Variants in MAGI2 observed in about 807,000 individuals in gnomAD.
MAGI2 encodes membrane associated guanylate kinase, WW and PDZ domain containing 2.
A neutral mutation model predicts 133.3 loss-of-function variants in MAGI2; 35 were observed. That is an observed-to-expected ratio of 0.26 (90% CI 0.20 to 0.35). MAGI2 has a LOEUF of 0.35. Ranked by LOEUF, MAGI2 falls within the 10% of genes least tolerant of loss-of-function variation. The pLI, the probability that MAGI2 is intolerant of heterozygous loss-of-function variation, is 1.00. For synonymous variants in MAGI2, 729 were observed against 710.6 expected, an observed-to-expected ratio of 1.03 and a Z score of -0.41; for missense variants, 1,636 against 1,863.4, an observed-to-expected ratio of 0.88 and a Z score of 2.25.
At chr7:79,178,531 G>T (rs1826323380) in intron 1 of MAGI2, among the ~76,000 whole-genome samples, 1 of 151,738 alleles carries the variant, frequency 6.6e-6, no homozygotes, top group Non-Finnish European at 1.5e-5. Context: ...GACCAATATG[G>T]TGAAACCCCG....
intron 2 of MAGI2, among the ~76,000 whole-genome samples, chr7:78,871,079 G>T (rs1794991553): frequency 6.6e-6 from 1 of 152,166 alleles, no homozygotes; most frequent in African/African-American, 2.4e-5. Context: ...GGGAGGCTGA[G>T]GTGGGCTGAT....
At chr7:78,947,492 G>A (rs1361680628) in intron 2 of MAGI2, among the ~76,000 whole-genome samples, 1 of 152,104 alleles carries the variant, frequency 6.6e-6, no homozygotes, top group East Asian at 1.9e-4. Context: ...CTGATGAAAT[G>A]TTAGCCCAGA....
intron 2 of MAGI2, among the ~76,000 whole-genome samples, chr7:78,829,394 C>T: frequency 6.6e-6 from 1 of 151,922 alleles, no homozygotes; most frequent in East Asian, 1.9e-4. Context: ...TACAGTAAAT[C>T]TTTGTGAACC....
chr7:78,566,220 T>C (rs767451370), intron 3 of MAGI2, among the ~76,000 whole-genome samples: 10 of 151,664 alleles, frequency 6.6e-5, no homozygotes, highest in Non-Finnish European at 8.8e-5. Context: ...GCTCAGGAAA[T>C]GGGAAGAGGG....
intron 1 of MAGI2, among the ~76,000 whole-genome samples, chr7:79,434,949 C>G (rs4730830): frequency 0.65 from 98,709 of 152,106 alleles, 32,375 homozygotes; most frequent in Middle Eastern, 0.73. Context: ...AGACTTCCTC[C>G]TGCCTGCTTG....
At chr7:79,305,026 C>A (rs145900427) in intron 1 of MAGI2, among the ~76,000 whole-genome samples, 4 of 152,102 alleles carry the variant, frequency 2.6e-5, no homozygotes, top group Admixed American at 1.3e-4. Context: ...CACTATGGAG[C>A]GATGATGGAA....
At chr7:78,449,183 T>C (rs968156436) in intron 6 of MAGI2, among the ~76,000 whole-genome samples, 1 of 151,980 alleles carries the variant, frequency 6.6e-6, no homozygotes, top group Admixed American at 6.6e-5. Context: ...TGGAAACATG[T>C]GTAGGCCCCT....
intron 2 of MAGI2, among the ~76,000 whole-genome samples, chr7:78,782,774 C>T (rs974586505): frequency 5.9e-5 from 9 of 152,016 alleles, no homozygotes; most frequent in South Asian, 4.1e-4. Context: ...TGCCGAACAG[C>T]TTTTTTGTAA....
At chr7:79,088,309 G>A (rs534142961) in intron 1 of MAGI2, among the ~76,000 whole-genome samples, 2 of 152,046 alleles carry the variant, frequency 1.3e-5, no homozygotes, top group African/African-American at 2.4e-5. Context: ...TTGGCCCTCT[G>A]TTTGTCTGTT....
At chr7:78,682,837 T>TTC (rs1037496844) in intron 2 of MAGI2, among the ~76,000 whole-genome samples, 6 of 152,136 alleles carry the variant, frequency 3.9e-5, no homozygotes, top group African/African-American at 1.4e-4. Context: ...TAAGGGTAAC[T>TTC]TTTCCTTTTC....
chr7:78,592,759 G>C (rs189261784), intron 3 of MAGI2, among the ~76,000 whole-genome samples: 2 of 151,978 alleles, frequency 1.3e-5, no homozygotes, highest in African/African-American at 4.8e-5. Context: ...AGGCACACTG[G>C]GGAGGATAGA....
intron 2 of MAGI2, among the ~76,000 whole-genome samples, chr7:78,769,762 C>T (rs371491606): frequency 2.0e-4 from 30 of 152,310 alleles, no homozygotes; most frequent in African/African-American, 6.5e-4. Flanking sequence ...GTCACCCTCA[C>T]AGAACATTTT....
chr7:78,544,191 AC>A (rs1798631103), intron 3 of MAGI2, among the ~76,000 whole-genome samples: 2 of 152,220 alleles, frequency 1.3e-5, no homozygotes, highest in Non-Finnish European at 2.9e-5. Context: ...GGTAGTGACT[AC>A]AAGTTATTAT....
intron 12 of MAGI2, among the ~76,000 whole-genome samples, chr7:78,191,042 T>G (rs937129522): frequency 1.3e-5 from 2 of 152,114 alleles, no homozygotes. Context: ...GAGATGGAAG[T>G]TGGGGAGATT....
intron 1 of MAGI2, among the ~76,000 whole-genome samples, chr7:79,028,804 T>A (rs1197780626): frequency 1.3e-5 from 2 of 152,112 alleles, no homozygotes; most frequent in African/African-American, 2.4e-5. Context: ...GCTCAGACAT[T>A]ACTATATATT....
intron 2 of MAGI2, among the ~76,000 whole-genome samples, chr7:78,663,367 C>A (rs1011066603): frequency 6.6e-6 from 1 of 151,992 alleles, no homozygotes; most frequent in African/African-American, 2.4e-5. Context: ...CTACCACACA[C>A]AGCTAATTTT....
chr7:78,511,776 TAA>T (rs71517022), intron 4 of MAGI2, among the ~76,000 whole-genome samples: 1,510 of 149,434 alleles, frequency 0.01, 31 homozygotes, highest in African/African-American at 0.035. Flanking sequence ...TTCTAAGTGC[TAA>T]AAAAAAATTC....
chr7:78,870,501 C>T (rs568122377), intron 2 of MAGI2, among the ~76,000 whole-genome samples: 8 of 152,018 alleles, frequency 5.3e-5, no homozygotes, highest in Non-Finnish European at 1.2e-4. Flanking sequence ...CAATGAGATA[C>T]CACTTTACTC....
chr7:78,842,413 CT>C (rs1413190685), intron 2 of MAGI2, among the ~76,000 whole-genome samples: 1 of 151,878 alleles, frequency 6.6e-6, no homozygotes, highest in African/African-American at 2.4e-5. Context: ...GAGTCTCACC[CT>C]TGTATTTTTT....
Sources: gnomAD v4.1 joint callset for allele counts (sites outside exome capture counted in the v4.1 genomes callset) on GRCh38, gnomAD v4.1.1 for gene constraint, MANE v1.5 for transcripts, NCBI Gene and HGNC (gene_info 2026-07-23, HGNC 2026-07-21) for gene names.